BACH1: variants seen among roughly 807,000 people sequenced by gnomAD.
The protein encoded by BACH1 is transcription regulator protein BACH1.
In BACH1, 35 loss-of-function variants were observed where a neutral mutation model predicts 52.9. The ratio of observed to expected loss-of-function variants is 0.66; its 90% CI spans 0.51 to 0.88. The LOEUF (loss-of-function observed/expected upper bound fraction) is 0.88. Among genes scored for constraint, BACH1 ranks in the 40% least tolerant of loss-of-function variants. The pLI is 0.00. For synonymous variants in BACH1, 321 were observed against 319.6 expected (o/e 1.00, Z -0.05); for missense variants, 808 against 872.6 (o/e 0.93, Z 0.93).
intron 2 of BACH1, among the ~76,000 whole-genome samples, chr21:29,325,562 G>A (rs2088900398): frequency 6.6e-6 from 1 of 152,086 alleles, no homozygotes; most frequent in South Asian, 2.1e-4. Context: ...CAGTTAGTAT[G>A]CATTTACCAT....
chr21:29,354,755 G>A (rs1458556397), intron 2 of BACH1, among the ~76,000 whole-genome samples: 1 of 152,238 alleles, frequency 6.6e-6, no homozygotes, highest in African/African-American at 2.4e-5. Context: ...CCATGTGGTT[G>A]TTGACATGTA....
rs376306380 is a variant in BACH1 at position 29,330,688 on chromosome 21, TATTA to T, written c.1776+999_1776+1002del. On this transcript the variant is annotated intron_variant, in intron 4 of 4. Coordinates refer to ENST00000286800, the MANE Select transcript of BACH1 (RefSeq NM_001186.4). Reference sequence around the variant, plus strand: ...TTGCTTGAATATTCAATTTTGTGTCTATTAATTGTTGAAAGTTTAAAAGTTGGGA... The same window carrying T: ...TTGCTTGAATATTCAATTTTGTGTCTATTGTTGAAAGTTTAAAAGTTGGGA... Among the ~76,000 whole-genome samples the T allele has an allele frequency of 4.7e-4, 72 of 152,288 alleles. 1 individual carries two copies. The highest frequency in any genetic ancestry group is 1.4e-3 in the African/African-American group (57 of 41,558).
rs2089158733 is a variant in BACH1, at chr21:29,345,391, A to G, written c.*2558A>G. 1 of 152,168 alleles carries G rather than the reference A, an allele frequency of 6.6e-6. No individual in the cohort carries two copies. The highest frequency in any genetic ancestry group is 2.4e-5 in the African/African-American group (1 of 41,440). The allele number at this position is 152,168 out of a possible 1,614,324, so 9.4% of individuals were successfully genotyped here. A position where few individuals can be genotyped will look rare whatever the true frequency, so the allele number is the denominator to read the frequency against. ...GAATTTTGAAATGTTTTCAGTTTGT[A>G]TATTGCATATTCACATGATCATTGT... On this transcript the variant is annotated 3_prime_UTR_variant, in exon 5 of 5. Transcript: ENST00000286800.
chr21:29,321,268 T>C lies in BACH1; in HGVS notation c.-13T>C. On this transcript the variant is annotated 5_prime_UTR_variant, in exon 2 of 5. Coordinates refer to ENST00000286800, the MANE Select transcript of BACH1 (RefSeq NM_001186.4). ...CTTTCCACTGAACTTCCCGACAACA[T>C]TTGTTATGCAGAATGTCTCTGAGTG... The C allele has an allele frequency of 6.3e-7, 1 of 1,599,330 alleles. No homozygotes were observed.
intron 4 of BACH1, among the ~76,000 whole-genome samples, chr21:29,334,098 T>A (rs2089016289): frequency 6.6e-6 from 1 of 150,808 alleles, no homozygotes; most frequent in African/African-American, 2.5e-5. Context: ...TTGTTATTTT[T>A]TTTATTTTTT....
rs142409019 is a variant in BACH1 at position 29,337,755 on chromosome 21, C to T, written c.1777-4644C>T. Among the ~76,000 whole-genome samples the T allele has an allele frequency of 1.4e-4, 22 of 152,030 alleles. No individual in the cohort carries two copies. The East Asian group carries it at 3.7e-3, about 25-fold the overall frequency. ...GGAGATATACCTAATGTGCCGGGTG[C>T]GGTGGCTCAGGAGTTCGAGGCTAGC... On this transcript the variant is annotated intron_variant, in intron 4 of 4. Transcript: ENST00000286800.
chr21:29,307,357 G>T (rs953652695), intron 1 of BACH1, among the ~76,000 whole-genome samples: 21 of 152,116 alleles, frequency 1.4e-4, no homozygotes, highest in Non-Finnish European at 2.8e-4. Flanking sequence ...TGTGTACATT[G>T]TAGAAAGATT....
At chr21:29,320,479 A>G (rs760571620) in intron 1 of BACH1, among the ~76,000 whole-genome samples, 2 of 152,246 alleles carry the variant, frequency 1.3e-5, no homozygotes, top group Non-Finnish European at 2.9e-5. Context: ...ATATGTTAGT[A>G]TGTATTTTAA....
chr21:29,333,291 T>G (rs994796934), intron 4 of BACH1, among the ~76,000 whole-genome samples: 3 of 152,154 alleles, frequency 2.0e-5, no homozygotes, highest in Non-Finnish European at 2.9e-5. Flanking sequence ...AACAGAAAAC[T>G]AGGAGGGTTA....
At chr21:29,349,879 G>A (rs901825748), downstream of BACH1, among the ~76,000 whole-genome samples, 1 of 152,012 alleles carries the variant, frequency 6.6e-6, no homozygotes, top group Non-Finnish European at 1.5e-5. Flanking sequence ...TTAGACTCTT[G>A]GCATTGAGCC....
At chr21:29,319,288 T>C (rs2088822086) in intron 1 of BACH1, among the ~76,000 whole-genome samples, 1 of 152,144 alleles carries the variant, frequency 6.6e-6, no homozygotes, top group East Asian at 1.9e-4. Flanking sequence ...AGAGGTTGGA[T>C]ATCTATGAGA....
At chr21:29,346,955 G>A (rs930269982), downstream of BACH1, among the ~76,000 whole-genome samples, 2 of 152,162 alleles carry the variant, frequency 1.3e-5, no homozygotes, top group African/African-American at 4.8e-5. Context: ...GGGAGAAGGA[G>A]GAAGGCCCCC....
At chr21:29,307,478 C>T (rs2088672418) in intron 1 of BACH1, among the ~76,000 whole-genome samples, 1 of 152,060 alleles carries the variant, frequency 6.6e-6, no homozygotes, top group Non-Finnish European at 1.5e-5. Flanking sequence ...ACAGTAGGAT[C>T]CCCACCCACT....
chr21:29,325,317 C>T (rs1601353863), intron 2 of BACH1, among the ~76,000 whole-genome samples: 1 of 151,980 alleles, frequency 6.6e-6, no homozygotes, highest in Admixed American at 6.6e-5. Context: ...GCTTTTAATC[C>T]AGGATGATGC....
intron 2 of BACH1, among the ~76,000 whole-genome samples, chr21:29,323,759 C>T (rs531987322): frequency 5.3e-5 from 8 of 152,312 alleles, no homozygotes; most frequent in Non-Finnish European, 1.0e-4. Context: ...AGAAACAATG[C>T]AGAGTTCCTT....
chr21:29,299,281 A>AC (rs1185787272), intron 1 of BACH1: 2 of 147,222 alleles, frequency 1.4e-5, no homozygotes, highest in African/African-American at 2.5e-5. Flanking sequence ...TCCCTGCCCC[A>AC]CCCCCCTCCC....
At chr21:29,309,588 T>G (rs1216596097) in intron 1 of BACH1, among the ~76,000 whole-genome samples, 1 of 152,250 alleles carries the variant, frequency 6.6e-6, no homozygotes, top group Non-Finnish European at 1.5e-5. Flanking sequence ...TGAATGTGCT[T>G]TTTTAATTGG....
chr21:29,354,649 C>T (rs943688431), intron 2 of BACH1, among the ~76,000 whole-genome samples: 1 of 152,162 alleles, frequency 6.6e-6, no homozygotes, highest in South Asian at 2.1e-4. Flanking sequence ...TGTTTCTGTT[C>T]AATGCGATGG....
intron 3 of BACH1, among the ~76,000 whole-genome samples, chr21:29,328,337 A>G (rs1177391432): frequency 2.0e-5 from 3 of 152,192 alleles, no homozygotes; most frequent in South Asian, 4.1e-4. Flanking sequence ...AATATTACTT[A>G]TAAGTCCAAT....
Sources: allele counts gnomAD v4.1 joint callset (sites outside exome capture counted in the v4.1 genomes callset), GRCh38; gene constraint gnomAD v4.1.1; transcripts MANE v1.5; gene names NCBI Gene and HGNC (gene_info 2026-07-23, HGNC 2026-07-21).